Variants in PDE1C observed in about 807,000 individuals in gnomAD.
PDE1C encodes phosphodiesterase 1C, also known as dual specificity calcium/calmodulin-dependent 3',5'-cyclic nucleotide phosphodiesterase 1C.
A neutral mutation model predicts 93.1 loss-of-function variants in PDE1C; 62 were observed. The observed-to-expected ratio is 0.67, with a 90% CI of 0.54 to 0.82. The LOEUF is 0.82. Among genes scored for constraint, PDE1C ranks in the 40% least tolerant of loss-of-function variants. The pLI, the probability that PDE1C is intolerant of heterozygous loss-of-function variation, is 0.00. For synonymous variants in PDE1C, 325 were observed against 310.1 expected (o/e 1.05, Z -0.50); for missense variants, 742 against 884.6 (o/e 0.84, Z 2.04).
chr7:31,921,807 C>CT (rs560241972), intron 2 of PDE1C, among the ~76,000 whole-genome samples: 11 of 152,182 alleles, frequency 7.2e-5, no homozygotes, highest in East Asian at 3.9e-4. Flanking sequence ...TTATTAATAA[C>CT]TTTTTTTAGC....
chr7:32,000,186 G>C (rs776740847), intron 2 of PDE1C, among the ~76,000 whole-genome samples: 2 of 152,152 alleles, frequency 1.3e-5, no homozygotes, highest in Non-Finnish European at 2.9e-5. Flanking sequence ...GCTCAGGAAA[G>C]GGGGGAGCCT....
the PDE1C span, among the ~76,000 whole-genome samples, chr7:31,684,457 C>T: frequency 6.6e-6 from 1 of 152,066 alleles, no homozygotes; most frequent in Non-Finnish European, 1.5e-5. Context: ...TTGTGAAAGA[C>T]TCCATGAAAA....
At chr7:31,960,062 C>T (rs1808724602) in intron 2 of PDE1C, among the ~76,000 whole-genome samples, 2 of 151,434 alleles carry the variant, frequency 1.3e-5, no homozygotes, top group South Asian at 4.2e-4. Context: ...TAGAGACAAA[C>T]CCCATCTTTG....
upstream of PDE1C, among the ~76,000 whole-genome samples, chr7:32,300,407 T>C (rs1333522151): frequency 6.6e-6 from 1 of 152,188 alleles, no homozygotes; most frequent in African/African-American, 2.4e-5. Flanking sequence ...ATGGCATATT[T>C]CAGCATGCAG....
At chr7:31,817,838 C>T (rs1211986275) in intron 14 of PDE1C, among the ~76,000 whole-genome samples, 1 of 152,154 alleles carries the variant, frequency 6.6e-6, no homozygotes, top group Non-Finnish European at 1.5e-5. Context: ...TCCAGATTCA[C>T]ACGTTCACGA....
chr7:32,394,684 T>A (rs372565676), intron 1 of PDE1C, among the ~76,000 whole-genome samples: 3 of 152,126 alleles, frequency 2.0e-5, no homozygotes, highest in African/African-American at 7.2e-5. Context: ...GGTGTGCACC[T>A]ATAGTGCCAG....
At chr7:32,036,689 CACT>C (rs1791142837) in intron 2 of PDE1C, among the ~76,000 whole-genome samples, 1 of 152,170 alleles carries the variant, frequency 6.6e-6, no homozygotes, top group African/African-American at 2.4e-5. Flanking sequence ...CAATGAGTTT[CACT>C]ACTTAGATGA....
intron 2 of PDE1C, among the ~76,000 whole-genome samples, chr7:32,173,382 G>C (rs760663163): frequency 5.9e-5 from 9 of 151,878 alleles, no homozygotes; most frequent in Non-Finnish European, 1.0e-4. Flanking sequence ...TTAGGGGAGG[G>C]AGCTTACAGG....
chr7:32,336,102 C>T (rs984781254), intron 1 of PDE1C, among the ~76,000 whole-genome samples: 7 of 152,092 alleles, frequency 4.6e-5, no homozygotes, highest in Admixed American at 2.0e-4. Context: ...ATAACAAGTT[C>T]CTATCAAGGA....
chr7:31,712,158 G>A, the PDE1C span, among the ~76,000 whole-genome samples: 3 of 152,184 alleles, frequency 2.0e-5, no homozygotes, highest in Non-Finnish European at 4.4e-5. Context: ...ATTAGTGTTT[G>A]TCTCCTCACT....
the PDE1C span, among the ~76,000 whole-genome samples, chr7:31,683,236 CTG>C: frequency 1.3e-5 from 2 of 152,122 alleles, no homozygotes; most frequent in African/African-American, 4.8e-5. Context: ...TCAGGGGAAA[CTG>C]TGCACAATAT....
chr7:32,118,373 G>C (rs563383397), intron 3 of PDE1C, among the ~76,000 whole-genome samples: 50 of 152,276 alleles, frequency 3.3e-4, no homozygotes, highest in African/African-American at 1.1e-3. Context: ...ATTCAGTAGA[G>C]AGGAAAAAGC....
At chr7:32,227,534 AG>A (rs1041670254) in intron 1 of PDE1C, among the ~76,000 whole-genome samples, 2 of 152,174 alleles carry the variant, frequency 1.3e-5, no homozygotes, top group Admixed American at 1.3e-4. Context: ...AGAACATGGC[AG>A]GGGCACTGAA....
chr7:32,234,982 TAACAGCCTAAA>T (rs1807968491), intron 1 of PDE1C, among the ~76,000 whole-genome samples: 3 of 152,058 alleles, frequency 2.0e-5, no homozygotes, highest in Non-Finnish European at 4.4e-5. Context: ...TTCACCATGT[TAACAGCCTAAA>T]AAGAAAAGCC....
intron 6 of PDE1C, among the ~76,000 whole-genome samples, chr7:31,866,135 G>A (rs761864034): frequency 3.0e-4 from 45 of 151,788 alleles, no homozygotes; most frequent in Admixed American, 9.2e-4. Flanking sequence ...CATGGTTCAG[G>A]GTAAATTATA....
rs1012887840 is a variant in PDE1C at position 31,917,196 on chromosome 7, G to T, written c.129-36336C>A. On this transcript the variant is annotated intron_variant, in intron 2 of 17. Transcript: ENST00000396191. Reference sequence around the variant, plus strand: ...CAAATATCACCACAAGATAAACAGAGTTAATTACGGTAGGGTTAAATTTCT... The same window carrying T: ...CAAATATCACCACAAGATAAACAGATTTAATTACGGTAGGGTTAAATTTCT... Among the ~76,000 whole-genome samples, 6 of 152,222 alleles carry T rather than the reference G, an allele frequency of 3.9e-5. 1 individual carries two copies. The highest frequency in any genetic ancestry group is 4.1e-4 in the South Asian group (2 of 4,824).
chr7:32,282,217 C>T (rs1811685591), intron 1 of PDE1C, among the ~76,000 whole-genome samples: 1 of 151,630 alleles, frequency 6.6e-6, no homozygotes, highest in African/African-American at 2.4e-5. Context: ...TGGCTCACAC[C>T]TGTAATCCCA....
intron 1 of PDE1C, among the ~76,000 whole-genome samples, chr7:32,309,715 C>G (rs1490674777): frequency 6.6e-6 from 1 of 152,112 alleles, no homozygotes; most frequent in Non-Finnish European, 1.5e-5. Flanking sequence ...ATTTTGTCAC[C>G]ACCAGGCCTG....
intron 3 of PDE1C, among the ~76,000 whole-genome samples, chr7:32,109,179 C>T (rs1439827208): frequency 6.6e-6 from 1 of 151,996 alleles, no homozygotes; most frequent in Non-Finnish European, 1.5e-5. Flanking sequence ...AAGGGACCCC[C>T]TCATAGTGTT....
Sources: allele counts gnomAD v4.1 joint callset (sites outside exome capture counted in the v4.1 genomes callset), GRCh38; gene constraint gnomAD v4.1.1; transcripts MANE v1.5; gene names NCBI Gene and HGNC (gene_info 2026-07-23, HGNC 2026-07-21).